Variants in PIP4P2 observed in about 807,000 individuals in gnomAD.
PIP4P2 encodes type 2 phosphatidylinositol 4,5-bisphosphate 4-phosphatase.
PIP4P2 carries 19 observed loss-of-function variants against 33.3 expected under a neutral mutation model. That is an observed-to-expected ratio of 0.57 (90% CI 0.40 to 0.84). The LOEUF (loss-of-function observed/expected upper bound fraction) is 0.84, where lower values mean the gene tolerates loss of function less well. PIP4P2 is among the 40% of genes least tolerant of loss of function. The pLI, the probability that PIP4P2 is intolerant of heterozygous loss-of-function variation, is 0.00. For missense variants in PIP4P2, 270 were observed against 324.7 expected, an observed-to-expected ratio of 0.83 and a Z score of 1.29; for synonymous variants, 110 against 111.9, an observed-to-expected ratio of 0.98 and a Z score of 0.11.
chr8:91,030,093 T>A (rs1006895140), intron 1 of PIP4P2, among the ~76,000 whole-genome samples: 1 of 151,810 alleles, frequency 6.6e-6, no homozygotes, highest in Non-Finnish European at 1.5e-5. Flanking sequence ...AGCAAATGTG[T>A]AGAATTTAAA....
intron 5 of PIP4P2, among the ~76,000 whole-genome samples, chr8:91,001,573 A>G (rs1212999837): frequency 6.6e-6 from 1 of 151,856 alleles, no homozygotes; most frequent in Non-Finnish European, 1.5e-5. Flanking sequence ...TGCTACAAAC[A>G]CTCACATATA....
At chr8:91,036,952 C>A (rs1348037081) in intron 1 of PIP4P2, among the ~76,000 whole-genome samples, 1 of 152,148 alleles carries the variant, frequency 6.6e-6, no homozygotes, top group African/African-American at 2.4e-5. Flanking sequence ...TTCTCTCTAC[C>A]AGGCTAGTTT....
rs187509771 is a variant in PIP4P2, at chr8:91,023,728, C to T, written c.107-2324G>A. 1.8e-4 allele frequency among the ~76,000 whole-genome samples: 27 copies of T among 152,200 alleles called. No individual in the cohort carries two copies. The East Asian group carries it at 5.2e-3, about 29-fold the overall frequency. ...GCCAGGGGCACATCTGGTTTGTCCA[C>T]AGCTACTTCACCAGCGCTTGTCATA... On this transcript the variant is annotated intron_variant, in intron 1 of 6. Transcript: ENST00000285419.
chr8:91,011,033 GATAGA>G (rs1811830192), intron 4 of PIP4P2, among the ~76,000 whole-genome samples: 5 of 145,114 alleles, frequency 3.4e-5, no homozygotes, highest in Non-Finnish European at 7.5e-5. Context: ...TAGATAGATA[GATAGA>G]TAGATAGATA....
chr8:91,036,670 A>G (rs1812235890), intron 1 of PIP4P2, among the ~76,000 whole-genome samples: 1 of 152,206 alleles, frequency 6.6e-6, no homozygotes, highest in African/African-American at 2.4e-5. Flanking sequence ...CCTCTAATTC[A>G]TTCTCTAATC....
chr8:91,029,952 G>A (rs988684952), intron 1 of PIP4P2, among the ~76,000 whole-genome samples: 1 of 152,128 alleles, frequency 6.6e-6, no homozygotes, highest in African/African-American at 2.4e-5. Context: ...GGGCGACAGA[G>A]CGAGACTCCG....
intron 1 of PIP4P2, among the ~76,000 whole-genome samples, chr8:91,022,500 A>G (rs1428998078): frequency 1.3e-5 from 2 of 152,200 alleles, no homozygotes; most frequent in Admixed American, 1.3e-4. Flanking sequence ...TTTCCAAGGT[A>G]AAGTTTTGTC....
intron 6 of PIP4P2, 79 bp from the exon 7 acceptor site, chr8:90,995,899 A>G: frequency 7.0e-7 from 1 of 1,437,878 alleles, no homozygotes. Context: ...ATCAGCTTAC[A>G]TGTGATTGTT....
At chr8:91,021,491 ACAAT>A (rs1812008627) in intron 1 of PIP4P2, 87 bp from the exon 2 acceptor site, 2 of 1,433,764 alleles carry the variant, frequency 1.4e-6, no homozygotes, top group Admixed American at 2.1e-5. Flanking sequence ...TAAAGAAGAA[ACAAT>A]CAAGATTTTC....
intron 1 of PIP4P2, among the ~76,000 whole-genome samples, chr8:91,033,819 G>A (rs114934580): frequency 0.016 from 2,414 of 152,144 alleles, 73 homozygotes; most frequent in African/African-American, 0.055. Flanking sequence ...TCACTCTGTT[G>A]CGCAGGCTGG....
intron 4 of PIP4P2, among the ~76,000 whole-genome samples, chr8:91,010,048 G>T (rs1323419813): frequency 6.6e-6 from 1 of 151,916 alleles, no homozygotes; most frequent in South Asian, 2.1e-4. Flanking sequence ...AATTATGAGA[G>T]AATTACTTAT....
chr8:91,036,860 C>G (rs1320435286), intron 1 of PIP4P2, among the ~76,000 whole-genome samples: 1 of 152,120 alleles, frequency 6.6e-6, no homozygotes, highest in East Asian at 1.9e-4. Context: ...TTGGCTAAGG[C>G]TGGAGTCATG....
intron 4 of PIP4P2, among the ~76,000 whole-genome samples, chr8:91,013,928 T>C (rs530232355): frequency 7.2e-5 from 11 of 152,304 alleles, no homozygotes; most frequent in Admixed American, 2.6e-4. Context: ...CAATAAAATA[T>C]AAATGTAACA....
chr8:91,015,404 G>C (rs1207842904), intron 4 of PIP4P2, among the ~76,000 whole-genome samples: 1 of 152,084 alleles, frequency 6.6e-6, no homozygotes, highest in African/African-American at 2.4e-5. Flanking sequence ...TGCATACATA[G>C]AGACTCCAAT....
intron 5 of PIP4P2, among the ~76,000 whole-genome samples, chr8:91,002,855 C>G (rs1811716619): frequency 6.6e-6 from 1 of 152,090 alleles, no homozygotes; most frequent in Admixed American, 6.6e-5. Flanking sequence ...AAGAAAGAAA[C>G]TGCATAATAT....
At chr8:91,022,287 GT>G (rs1220011218) in intron 1 of PIP4P2, among the ~76,000 whole-genome samples, 2 of 151,892 alleles carry the variant, frequency 1.3e-5, no homozygotes, top group African/African-American at 4.8e-5. Flanking sequence ...CACACACAGT[GT>G]TTTTTTTGAG....
At chr8:91,037,136 C>G (rs1269497797) in intron 1 of PIP4P2, among the ~76,000 whole-genome samples, 1 of 152,208 alleles carries the variant, frequency 6.6e-6, no homozygotes, top group African/African-American at 2.4e-5. Context: ...AAAATCAAGT[C>G]ATGGCATCAG....
In PIP4P2 at chr8:91,020,236, T is replaced by C. The variant is rs1457390285; in HGVS notation, c.283A>G (p.Lys95Glu). 7 of 1,613,670 alleles carry C rather than the reference T, an allele frequency of 4.3e-6. No homozygotes were observed. Among genetic ancestry groups the C allele is most frequent in the Non-Finnish European group, 5.9e-6 (7 of 1,179,814 alleles). ...CAATTACAAGGGCATCTAACATATT[T>C]CTTGCCTGTTGGGGGGTTTTTGATT... is the stretch of plus-strand genomic sequence containing the variant. ...TPIKNPPTGK[K>E]YVRCPCNCLL... The change falls in exon 3 of 7, where the codon AAA becomes GAA. Residue 95 changes from lysine to glutamate, a missense_variant. Physicochemically the swap from Lys to Glu is moderately conservative, Grantham distance 56. Coordinates refer to ENST00000285419, the MANE Select transcript of PIP4P2 (RefSeq NM_018710.3).
At chr8:91,016,592 G>A (rs555490691) in intron 4 of PIP4P2, 14 of 152,316 alleles carry the variant, frequency 9.2e-5, no homozygotes, top group African/African-American at 3.4e-4. Flanking sequence ...TGTAAGATCA[G>A]ATTAAAAACC....
Sources: gnomAD v4.1 joint callset for allele counts (sites outside exome capture counted in the v4.1 genomes callset) on GRCh38, gnomAD v4.1.1 for gene constraint, MANE v1.5 for transcripts, NCBI Gene and HGNC (gene_info 2026-07-23, HGNC 2026-07-21) for gene names.